The following GALNT15 variants were observed in gnomAD, a reference collection of about 807,000 sequenced individuals.
GALNT15 encodes UDP-GalNAc transferase T15.
In GALNT15, 67 loss-of-function variants were observed where a neutral mutation model predicts 66.8. That is an observed-to-expected ratio of 1.00 (90% confidence interval 0.82 to 1.23). GALNT15 has a LOEUF of 1.23. GALNT15 is among the 50% of genes most tolerant of loss of function. GALNT15 has a pLI of 0.00. For synonymous variants in GALNT15, 313 were observed against 311.5 expected (o/e 1.00, Z -0.05); for missense variants, 827 against 804.3 (o/e 1.03, Z -0.34).
rs2063462878 is a variant in GALNT15, at chr3:16,180,857, G to A, written c.539+5167G>A. On this transcript the variant is annotated intron_variant, in intron 1 of 9. Transcript: ENST00000339732. The surrounding 1 kb of genome is among the most constrained non-coding windows in gnomAD (Gnocchi z 5.0). ...TGTTTCCCTGGTTTATGTACCCATA[G>A]CTGTGATTAAACAGTTGTGGACCTG... is the stretch of plus-strand genomic sequence containing the variant. Among the ~76,000 whole-genome samples the A allele has an allele frequency of 6.6e-6, 1 of 152,338 alleles. No individual in the cohort carries two copies. The highest frequency in any genetic ancestry group is 6.5e-5 in the Admixed American group (1 of 15,304).
Position 16,195,896 on chromosome 3 carries a change from A to T in GALNT15, c.676A>T (p.Ile226Phe), listed in dbSNP as rs760417956. 5.0e-6 allele frequency: 8 copies of T among 1,613,950 alleles called. No homozygotes were observed. The highest frequency in any genetic ancestry group is 1.7e-5 in the Admixed American group (1 of 60,004). The change falls in exon 2 of 10, where the codon ATC becomes TTC. Residue 226 changes from isoleucine (I) to phenylalanine (F), a missense_variant. Physicochemically the swap from Ile to Phe is conservative, Grantham distance 21. Transcript: ENST00000339732. This position sits in a 1 kb window ranked among gnomAD's most constrained non-coding sequence, Gnocchi z 4.6. ...AGTGCCCAGGGCCTTCCTGAAGGAGATCATCCTCGTGGACGACCTCAGCCA... is the reference window on the plus strand; with the variant it reads ...AGTGCCCAGGGCCTTCCTGAAGGAGTTCATCCTCGTGGACGACCTCAGCCA... ...DTVPRAFLKE[I>F]ILVDDLSQQG...
In GALNT15 at chr3:16,211,707, C is replaced by CAGGTGA. The variant is rs1169882398; in HGVS notation, c.1197+466_1197+467insAGGTGA. Among the ~76,000 whole-genome samples, 6 of 152,350 alleles carry CAGGTGA rather than the reference C, an allele frequency of 3.9e-5. No individual in the cohort carries two copies. The East Asian group carries it at 1.2e-3, about 29-fold the overall frequency. On this transcript the variant is annotated intron_variant, in intron 5 of 9. Coordinates refer to ENST00000339732, the MANE Select transcript of GALNT15 (RefSeq NM_054110.5). This position sits in a 1 kb window ranked among gnomAD's most constrained non-coding sequence, Gnocchi z 4.3. ...TCAAACCTTGGAGTCACCCTCATTT[C>CAGGTGA]CTGTCCCACATTGCTTTTCTAGCAT... is the stretch of plus-strand genomic sequence containing the variant.
At chr3:16,232,500 AT>A (rs2064094280), downstream of GALNT15, among the ~76,000 whole-genome samples, 2 of 88,812 alleles carry the variant, frequency 2.3e-5, no homozygotes, top group African/African-American at 1.0e-4. Flanking sequence ...ATATATATAT[AT>A]ATATATATAT....
downstream of GALNT15, among the ~76,000 whole-genome samples, chr3:16,235,490 T>C (rs1405355658): frequency 7.2e-5 from 11 of 152,310 alleles, no homozygotes; most frequent in East Asian, 1.7e-3. Flanking sequence ...TTGCTCTCCA[T>C]GATAAAGCGA....
In GALNT15 at chr3:16,175,519, C is replaced by T; in HGVS notation, c.368C>T (p.Pro123Leu). The T allele has an allele frequency of 1.9e-6, 3 of 1,613,992 alleles. No individual in the cohort carries two copies. The highest frequency in any genetic ancestry group is 1.7e-6 in the Non-Finnish European group (2 of 1,179,958). ...GGGAGCTACCGCCTCATCAAGCAGC[C>T]AAGGAGGCAGGATAAGGAAGCCCCA... is the stretch of plus-strand genomic sequence containing the variant. ...RGGSYRLIKQ[P>L]RRQDKEAPKR... The change falls in exon 1 of 10, where the codon CCA becomes CTA. Residue 123 changes from proline (P) to leucine (L), a missense_variant. Transcript: ENST00000339732. This position sits in a 1 kb window ranked among gnomAD's most constrained non-coding sequence, Gnocchi z 5.6.
At chr3:16,232,492 ATATATATATATATATATATTTATT>A (rs1199881273), downstream of GALNT15, among the ~76,000 whole-genome samples, 145 of 84,828 alleles carry the variant, frequency 1.7e-3, 21 homozygotes, top group Non-Finnish European at 1.5e-3. Context: ...ATATATATAT[ATATATATATATATATATATTTATT>A]TAAAAGAGAC....
Position 16,203,258 on chromosome 3 carries a change from T to G in GALNT15, c.911+2435T>G, listed in dbSNP as rs779686981. Among the ~76,000 whole-genome samples the G allele has an allele frequency of 1.3e-5, 2 of 152,082 alleles. No individual in the cohort carries two copies. The highest frequency in any genetic ancestry group is 2.9e-5 in the Non-Finnish European group (2 of 68,006). ...TAACCCCACAACTGGTTATGAGACA[T>G]GTGTTACCTGCTGCTGTGAGTCCCT... On this transcript the variant is annotated intron_variant, in intron 3 of 9. Transcript: ENST00000339732. This position sits in a 1 kb window ranked among gnomAD's most constrained non-coding sequence, Gnocchi z 6.2.
Position 16,183,903 on chromosome 3 carries a change from G to T in GALNT15, c.539+8213G>T, listed in dbSNP as rs2063493323. Among the ~76,000 whole-genome samples the T allele has an allele frequency of 6.6e-6, 1 of 152,206 alleles. No homozygotes were observed. The highest frequency in any genetic ancestry group is 6.5e-5 in the Admixed American group (1 of 15,282). ...CAAGTTCACAGGGGATCCTGGAGCT[G>T]CAGGAAAAGAGGGTGTGCATCTGTA... On this transcript the variant is annotated intron_variant, in intron 1 of 9. Coordinates refer to ENST00000339732, the MANE Select transcript of GALNT15 (RefSeq NM_054110.5). This position sits in a 1 kb window ranked among gnomAD's most constrained non-coding sequence, Gnocchi z 5.2.
chr3:16,229,446 T>G lies in GALNT15; in HGVS notation c.*1946T>G, dbSNP rs1487755620. On this transcript the variant is annotated 3_prime_UTR_variant, in exon 10 of 10. Coordinates refer to ENST00000339732, the MANE Select transcript of GALNT15 (RefSeq NM_054110.5). ...TATTGGCGAGCATGGATATAGAACATTTCATCACAGTTCTGTTGGACCAAT... is the reference window on the plus strand; with the variant it reads ...TATTGGCGAGCATGGATATAGAACAGTTCATCACAGTTCTGTTGGACCAAT... 4.2e-6 allele frequency: 4 copies of G among 958,342 alleles called. No homozygotes were observed. In the African/African-American group the frequency reaches 7.1e-5, roughly 17 times the overall value. 59.4% of individuals were successfully genotyped at this position (958,342 alleles called of 1,614,324 possible). A position where few individuals can be genotyped will look rare whatever the true frequency, so the allele number is the denominator to read the frequency against.
Position 16,212,673 on chromosome 3 carries a change from G to A in GALNT15, c.1302G>A (p.Leu434=), listed in dbSNP as rs770474093. Residue 434 remains leucine (L), a synonymous_variant, in exon 6 of 10, where the codon CTG becomes CTA. Transcript: ENST00000339732. ...CCCCCCTCGACCAGGAGGCCACCCT[G>A]AGGAACAGGGTTCGCATTGCTGAGA... The part of the protein sequence containing the change: ...SHSPLDQEAT[L]RNRVRIAETW... The A allele has an allele frequency of 3.1e-6, 5 of 1,613,950 alleles. No homozygotes were observed. The African/African-American group carries it at 6.7e-5, about 22-fold the overall frequency.
chr3:16,228,993 C>T lies in GALNT15; in HGVS notation c.*1493C>T, dbSNP rs560388392. On this transcript the variant is annotated 3_prime_UTR_variant, in exon 10 of 10. Coordinates refer to ENST00000339732, the MANE Select transcript of GALNT15 (RefSeq NM_054110.5). Reference sequence around the variant, plus strand: ...TACCTGAATTAGCTGTAAGAGTTGCCGAATGGGATGGGTTCTGCTATTTAA... The same window carrying T: ...TACCTGAATTAGCTGTAAGAGTTGCTGAATGGGATGGGTTCTGCTATTTAA... 2.1e-5 allele frequency: 21 copies of T among 985,362 alleles called. No homozygotes were observed. The highest frequency in any genetic ancestry group is 6.1e-5 in the Admixed American group (1 of 16,276). 61.0% of individuals were successfully genotyped at this position (985,362 alleles called of 1,614,324 possible).
rs1401893492 is a variant in GALNT15, at chr3:16,184,193, G to T, written c.539+8503G>T. On this transcript the variant is annotated intron_variant, in intron 1 of 9. Transcript: ENST00000339732. The surrounding 1 kb of genome is among the most constrained non-coding windows in gnomAD (Gnocchi z 5.0). ...CAGGGGTGGGGTTTTGGACACTTGA[G>T]TGACACATACAAACCGAGATAGTAA... Among the ~76,000 whole-genome samples the T allele has an allele frequency of 6.6e-6, 1 of 152,210 alleles. No individual in the cohort carries two copies. Among genetic ancestry groups the T allele is most frequent in the African/African-American group, 2.4e-5 (1 of 41,446 alleles).
chr3:16,233,106 T>A (rs1220168089), downstream of GALNT15, among the ~76,000 whole-genome samples: 1 of 118,020 alleles, frequency 8.5e-6, no homozygotes, highest in Non-Finnish European at 1.8e-5. Context: ...TTTTTTTTTT[T>A]TTTTTTTGAA....
the GALNT15 span, among the ~76,000 whole-genome samples, chr3:16,246,323 T>G: frequency 7.3e-5 from 2 of 27,578 alleles, no homozygotes; most frequent in Admixed American, 3.9e-4. Flanking sequence ...TGAAAGTGGT[T>G]TTTTTTTTTT....
chr3:16,216,396 G>A (rs2063878266), intron 6 of GALNT15, among the ~76,000 whole-genome samples: 1 of 152,158 alleles, frequency 6.6e-6, no homozygotes, highest in Admixed American at 6.5e-5. Flanking sequence ...CTACTCGGGA[G>A]GCTGAGGTGG....
Position 16,219,809 on chromosome 3 carries a change from T to G in GALNT15, c.1525-101T>G. On this transcript the variant is annotated intron_variant, in intron 7 of 9. Coordinates refer to ENST00000339732, the MANE Select transcript of GALNT15 (RefSeq NM_054110.5). This position sits in a 1 kb window ranked among gnomAD's most constrained non-coding sequence, Gnocchi z 4.3. The stretch of plus-strand genomic sequence containing the variant: ...TTGTTGTGGCCTGAACAATGTGCCT[T>G]GGGCTGCACTCCAGAGAATACAGCA... The G allele has an allele frequency of 9.7e-7, 1 of 1,028,296 alleles. No individual in the cohort carries two copies. Among genetic ancestry groups the G allele is most frequent in the South Asian group, 1.3e-5 (1 of 74,730 alleles). 63.7% of individuals were successfully genotyped at this position (1,028,296 alleles called of 1,614,324 possible).
Position 16,227,319 on chromosome 3 carries a change from C to G in GALNT15, c.1774-35C>G. ...TCTTTTGCTGACTGATTGTGGGGGA[C>G]TGGTTTTCTTTTCTTTTTTCCTTTC... On this transcript the variant is annotated intron_variant, in intron 9 of 9. Coordinates refer to ENST00000339732, the MANE Select transcript of GALNT15 (RefSeq NM_054110.5). This position sits in a 1 kb window ranked among gnomAD's most constrained non-coding sequence, Gnocchi z 4.5. The G allele has an allele frequency of 1.3e-6, 2 of 1,595,330 alleles. No individual in the cohort carries two copies. The highest frequency in any genetic ancestry group is 1.1e-5 in the South Asian group (1 of 87,282).
In GALNT15 at chr3:16,180,527, G is replaced by A. The variant is rs893719152; in HGVS notation, c.539+4837G>A. ...CCCCTATATTGCTTGTTAAAAAGAC[G>A]TAGATGTTCAGACCCCCTCACTGGC... On this transcript the variant is annotated intron_variant, in intron 1 of 9. Coordinates refer to ENST00000339732, the MANE Select transcript of GALNT15 (RefSeq NM_054110.5). This position sits in a 1 kb window ranked among gnomAD's most constrained non-coding sequence, Gnocchi z 5.0. Among the ~76,000 whole-genome samples the A allele has an allele frequency of 6.6e-6, 1 of 152,008 alleles. No homozygotes were observed. The highest frequency in any genetic ancestry group is 1.9e-4 in the East Asian group (1 of 5,180).
chr3:16,223,496 C>T (rs1273376470), intron 9 of GALNT15, among the ~76,000 whole-genome samples: 5 of 152,074 alleles, frequency 3.3e-5, no homozygotes, highest in Non-Finnish European at 4.4e-5. Flanking sequence ...TCAACTTCTG[C>T]TGGGGAATAA....
Sources: gnomAD v4.1 joint callset for allele counts (sites outside exome capture counted in the v4.1 genomes callset) on GRCh38, gnomAD v4.1.1 for gene constraint, Gnocchi (gnomAD v3.1) non-coding constraint, MANE v1.5 for transcripts, NCBI Gene and HGNC (gene_info 2026-07-23, HGNC 2026-07-21) for gene names.